The following KAZN variants were observed in gnomAD, a reference collection of about 807,000 sequenced individuals.
KAZN encodes kazrin, periplakin interacting protein.
A neutral mutation model predicts 87.4 loss-of-function variants in KAZN; 40 were observed. That is an observed-to-expected ratio of 0.46 (90% CI 0.36 to 0.60). KAZN has a LOEUF of 0.60. Among genes scored for constraint, KAZN ranks in the 20% least tolerant of loss-of-function variants. The pLI, the probability that KAZN is intolerant of heterozygous loss-of-function variation, is 0.00. For synonymous variants in KAZN, 466 were observed against 458.3 expected (o/e 1.02, Z -0.22); for missense variants, 898 against 1,073.9 (o/e 0.84, Z 2.29).
chr1:14,364,890 C>T lies in KAZN; in HGVS notation c.249+184298C>T, dbSNP rs147724262. Among the ~76,000 whole-genome samples the T allele has an allele frequency of 3.9e-3, 601 of 152,238 alleles. 5 individuals are homozygous for T. Among genetic ancestry groups the T allele is most frequent in the African/African-American group, 0.014 (570 of 41,528 alleles). On this transcript the variant is annotated intron_variant, in intron 2 of 16. Transcript: ENST00000636203. ...CTGTGTGTGTCTTCACTTCATCCTT[C>T]CTCTGTTTTTTTGTTTTGTTTTGTT...
Position 15,114,567 on chromosome 1 carries a change from G to A in KAZN, c.2260G>A (p.Asp754Asn), listed in dbSNP as rs756758442. The A allele has an allele frequency of 8.7e-6, 14 of 1,607,114 alleles. No individual in the cohort carries two copies. Among genetic ancestry groups the A allele is most frequent in the Non-Finnish European group, 1.1e-5 (13 of 1,176,738 alleles). ...SLQNEDCGDDDPQSRLEQCRL... is the reference protein window; with the variant it reads ...SLQNEDCGDDNPQSRLEQCRL... ...TCAAAACGAAGATTGCGGAGACGAT[G>A]ACCCCCAGAGCAGGCTGGAACAGTG... The change falls in exon 15 of 15, where the codon GAC (aspartate) becomes AAC (asparagine). Residue 754 changes from aspartate (D) to asparagine (N), a missense_variant. Transcript: ENST00000376030.
At chr1:14,841,753 AT>A (rs1032266669) in intron 1 of KAZN, among the ~76,000 whole-genome samples, 3 of 152,110 alleles carry the variant, frequency 2.0e-5, no homozygotes, top group Non-Finnish European at 4.4e-5. Context: ...CTTGAGAGCC[AT>A]TTTTTTGTAC....
intron 2 of KAZN, among the ~76,000 whole-genome samples, chr1:14,437,408 A>G (rs1475442491): frequency 6.6e-6 from 1 of 152,180 alleles, no homozygotes; most frequent in Non-Finnish European, 1.5e-5. Context: ...CTGGTGCACA[A>G]TTTTCAACAA....
chr1:15,104,259 T>C (rs1225129862), intron 13 of KAZN, 70 bp downstream of exon 13: 2 of 1,431,938 alleles, frequency 1.4e-6, no homozygotes, highest in African/African-American at 1.4e-5. Flanking sequence ...TGGAAGCAGA[T>C]GGTCCAGCTC....
intron 12 of KAZN, among the ~76,000 whole-genome samples, chr1:15,103,737 A>G (rs983920202): frequency 3.9e-5 from 6 of 152,178 alleles, no homozygotes; most frequent in African/African-American, 1.4e-4. Context: ...CACATGGGGT[A>G]GAGAGGCTGA....
intron 1 of KAZN, among the ~76,000 whole-genome samples, chr1:14,065,568 A>T (rs1190257534): frequency 1.4e-5 from 2 of 138,756 alleles, no homozygotes; most frequent in African/African-American, 2.8e-5. Context: ...AATGCATTTA[A>T]AAAAAAAAAA....
chr1:14,680,345 G>A (rs1167869281), intron 1 of KAZN, among the ~76,000 whole-genome samples: 2 of 152,044 alleles, frequency 1.3e-5, no homozygotes, highest in African/African-American at 4.8e-5. Context: ...TGCAGCTATG[G>A]CTCTGAGTTC....
At chr1:14,969,513 T>C (rs1343057100) in intron 2 of KAZN, among the ~76,000 whole-genome samples, 2 of 152,222 alleles carry the variant, frequency 1.3e-5, no homozygotes, top group Non-Finnish European at 1.5e-5. Flanking sequence ...CTGGTAAATC[T>C]CGGAACTCAC....
At chr1:14,889,523 G>A (rs1654474419) in intron 1 of KAZN, among the ~76,000 whole-genome samples, 1 of 152,190 alleles carries the variant, frequency 6.6e-6, no homozygotes, top group Non-Finnish European at 1.5e-5. Context: ...CAGCTTCTGT[G>A]TCTGGTGCTT....
At chr1:14,095,151 C>T (rs1045002146) in intron 1 of KAZN, among the ~76,000 whole-genome samples, 6 of 152,146 alleles carry the variant, frequency 3.9e-5, no homozygotes, top group African/African-American at 1.4e-4. Flanking sequence ...CATTCCCTTC[C>T]GTGAACAATG....
intron 1 of KAZN, among the ~76,000 whole-genome samples, chr1:14,861,353 T>C (rs925623606): frequency 1.3e-5 from 2 of 152,174 alleles, no homozygotes; most frequent in African/African-American, 2.4e-5. Context: ...CACTCCAGCT[T>C]GGGTGACAGA....
chr1:14,246,755 G>A (rs989238468), intron 2 of KAZN, among the ~76,000 whole-genome samples: 1 of 151,988 alleles, frequency 6.6e-6, no homozygotes, highest in African/African-American at 2.4e-5. Context: ...AATGTTTCGA[G>A]CTTTATGAAA....
chr1:14,845,825 C>T (rs1234794863), intron 1 of KAZN, among the ~76,000 whole-genome samples: 9 of 152,096 alleles, frequency 5.9e-5, no homozygotes. Context: ...GAGCTGGAGA[C>T]AGCTGGAGAG....
chr1:14,579,996 C>A (rs763442565), intron 2 of KAZN, among the ~76,000 whole-genome samples: 1 of 152,126 alleles, frequency 6.6e-6, no homozygotes, highest in South Asian at 2.1e-4. Context: ...GAAATCTGCT[C>A]ATTTAATTTC....
At chr1:14,459,397 T>C (rs922297196) in intron 2 of KAZN, among the ~76,000 whole-genome samples, 1 of 151,564 alleles carries the variant, frequency 6.6e-6, no homozygotes, top group Admixed American at 6.6e-5. Context: ...GAGGCAGAAA[T>C]TGTGGCCAAG....
At chr1:15,103,963 C>T in intron 12 of KAZN, 60 bp from the exon 13 acceptor site, 1 of 1,541,084 alleles carries the variant, frequency 6.5e-7, no homozygotes. Context: ...GGAACTGGGG[C>T]CCCCTTAGGC....
chr1:14,958,909 G>A (rs532722082), intron 1 of KAZN, among the ~76,000 whole-genome samples: 31 of 152,336 alleles, frequency 2.0e-4, no homozygotes, highest in South Asian at 1.0e-3. Flanking sequence ...GGTGAGTGCG[G>A]CGCCTTCGTC....
At chr1:14,645,711 C>T (rs897246691) in intron 1 of KAZN, among the ~76,000 whole-genome samples, 3 of 152,178 alleles carry the variant, frequency 2.0e-5, no homozygotes, top group African/African-American at 7.2e-5. Flanking sequence ...GTTTGACTTC[C>T]TCTCTTCCTA....
chr1:14,946,994 G>T (rs750980795), intron 1 of KAZN, among the ~76,000 whole-genome samples: 1 of 152,198 alleles, frequency 6.6e-6, no homozygotes, highest in African/African-American at 2.4e-5. Context: ...TGCTCTGTGA[G>T]GTGTGGGGCA....
Sources: gnomAD v4.1 joint callset for allele counts (sites outside exome capture counted in the v4.1 genomes callset) on GRCh38, gnomAD v4.1.1 for gene constraint, MANE v1.5 for transcripts, NCBI Gene and HGNC (gene_info 2026-07-23, HGNC 2026-07-21) for gene names.